Variants in CEP135 observed in about 807,000 individuals in gnomAD.
CEP135 encodes the protein centrosomal protein of 135 kDa.
In CEP135, 142 loss-of-function variants were observed where a neutral mutation model predicts 157.3. The ratio of observed to expected loss-of-function variants is 0.90; its 90% CI spans 0.79 to 1.04. The LOEUF is 1.04. CEP135 is among the 50% of genes least tolerant of loss of function. The probability of loss-of-function intolerance (pLI) is 0.00; values close to 1 mark genes in which losing one functional copy is unlikely to be tolerated. For missense variants in CEP135, 1,317 were observed against 1,309.2 expected, an observed-to-expected ratio of 1.01 and a Z score of -0.09; for synonymous variants, 396 against 439.8, an observed-to-expected ratio of 0.90 and a Z score of 1.25.
intron 9 of CEP135, among the ~76,000 whole-genome samples, chr4:55,970,571 T>C (rs1728999101): frequency 6.6e-6 from 1 of 152,226 alleles, no homozygotes; most frequent in East Asian, 1.9e-4. Context: ...TGTTCACTGC[T>C]AGTTGTATGT....
chr4:56,023,666 A>G (rs965988033), intron 24 of CEP135, among the ~76,000 whole-genome samples: 1 of 142,306 alleles, frequency 7.0e-6, no homozygotes, highest in Admixed American at 7.6e-5. Context: ...TATATAATAT[A>G]CTAATATAAT....
intron 9 of CEP135, among the ~76,000 whole-genome samples, chr4:55,970,597 T>A (rs750280443): frequency 2.6e-5 from 4 of 152,228 alleles, no homozygotes; most frequent in Non-Finnish European, 5.9e-5. Flanking sequence ...AAATGTTGGA[T>A]GTGATTCATA....
rs1255031822 is a variant in CEP135 at position 56,031,678 on chromosome 4, AATC to A, written c.*331_*333del. On this transcript the variant is annotated 3_prime_UTR_variant, in exon 26 of 26. Transcript: ENST00000257287. ...TAATGTATTCACATTATTCTTTAAT[AATC>A]TGTTTATTAATAAGCCATGATATGT... 6.6e-6 allele frequency: 1 copy of A among 152,150 alleles called. No homozygotes were observed. The highest frequency in any genetic ancestry group is 2.4e-5 in the African/African-American group (1 of 41,454). 9.4% of individuals were successfully genotyped at this position (152,150 alleles called of 1,614,324 possible).
chr4:55,972,803 A>C (rs1210868391), intron 10 of CEP135, among the ~76,000 whole-genome samples: 1 of 152,146 alleles, frequency 6.6e-6, no homozygotes, highest in Admixed American at 6.5e-5. Flanking sequence ...AGGCCGAGGC[A>C]GGCGGATCAC....
chr4:55,958,523 T>G (rs1008236185), intron 5 of CEP135, among the ~76,000 whole-genome samples: 1 of 152,238 alleles, frequency 6.6e-6, no homozygotes, highest in African/African-American at 2.4e-5. Flanking sequence ...GTTCTTATTA[T>G]CTAGGGCTTT....
At chr4:55,992,446 C>T (rs1729828516) in intron 15 of CEP135, among the ~76,000 whole-genome samples, 1 of 152,098 alleles carries the variant, frequency 6.6e-6, no homozygotes, top group Non-Finnish European at 1.5e-5. Context: ...TGTTTACTAC[C>T]TATGCCATTT....
At chr4:55,996,955 G>A (rs1484331256) in intron 15 of CEP135, among the ~76,000 whole-genome samples, 1 of 152,132 alleles carries the variant, frequency 6.6e-6, no homozygotes, top group Admixed American at 6.5e-5. Context: ...CAAAGAGATG[G>A]ACCTCTACCC....
chr4:56,011,630 T>C, intron 20 of CEP135, 108 bp downstream of exon 20: 1 of 964,588 alleles, frequency 1.0e-6, no homozygotes, highest in South Asian at 1.6e-5. Flanking sequence ...AGAGATCTTG[T>C]CTACTGCCTT....
Position 55,954,073 on chromosome 4 carries a change from A to G in CEP135, c.305-143A>G. ...GCAGTTTTGTTAATAATAGTAGAAG[A>G]AGGAATAAGTGTCAACTAAAGCATG... On this transcript the variant is annotated intron_variant, in intron 3 of 25. Coordinates refer to ENST00000257287, the MANE Select transcript of CEP135 (RefSeq NM_025009.5). 5 of 629,546 alleles carry G rather than the reference A, an allele frequency of 7.9e-6. No homozygotes were observed. In the South Asian group the frequency reaches 1.3e-4, roughly 17 times the overall value. The allele number at this position is 629,546 out of a possible 1,614,324, so 39.0% of individuals were successfully genotyped here.
At chr4:55,978,628 G>GTA (rs1729302132) in intron 11 of CEP135, among the ~76,000 whole-genome samples, 1 of 152,182 alleles carries the variant, frequency 6.6e-6, no homozygotes, top group African/African-American at 2.4e-5. Flanking sequence ...ATAGCTCACT[G>GTA]TAACCTTGAA....
At chr4:56,008,491 C>T (rs1373269953) in intron 18 of CEP135, 109 bp downstream of exon 18, 1 of 860,360 alleles carries the variant, frequency 1.2e-6, no homozygotes, top group Non-Finnish European at 1.8e-6. Flanking sequence ...TTCAATTTCC[C>T]CATTTTTGTC....
rs1327730245 is a variant in CEP135 at position 55,954,325 on chromosome 4, GA to G, written c.416del (p.Asn139MetfsTer15). ...TGTTGGAGAAAGAGAGCAAAGCTAAGAATGAAAGAATTCAACAACTTCAAGA... is the reference window on the plus strand; with the variant it reads ...TGTTGGAGAAAGAGAGCAAAGCTAAGATGAAAGAATTCAACAACTTCAAGA... ...KLLEKESKAK[N>X]ERIQQLQEKN... On this transcript the variant is annotated frameshift_variant, in exon 4 of 26. Transcript: ENST00000257287. LOFTEE classifies it high-confidence loss of function. 6.2e-7 allele frequency: 1 copy of G among 1,609,594 alleles called. No homozygotes were observed. The highest frequency in any genetic ancestry group is 1.3e-5 in the African/African-American group (1 of 74,828).
intron 14 of CEP135, among the ~76,000 whole-genome samples, chr4:55,987,107 G>A (rs1348921686): frequency 6.6e-6 from 1 of 152,196 alleles, no homozygotes; most frequent in East Asian, 1.9e-4. Context: ...TGGGATCAAA[G>A]TAGCCTTTAG....
intron 21 of CEP135, among the ~76,000 whole-genome samples, chr4:56,015,965 G>T (rs1051254983): frequency 6.6e-6 from 1 of 152,186 alleles, no homozygotes; most frequent in Admixed American, 6.5e-5. Context: ...CTGTCAACAT[G>T]ACCTTATTTG....
At chr4:56,002,943 T>G (rs964156027) in intron 17 of CEP135, among the ~76,000 whole-genome samples, 1 of 152,184 alleles carries the variant, frequency 6.6e-6, no homozygotes, top group Non-Finnish European at 1.5e-5. Context: ...TCTTCATGGT[T>G]CAAACTTGGT....
intron 10 of CEP135, 135 bp from the exon 11 acceptor site, chr4:55,974,611 G>T: frequency 2.3e-5 from 14 of 604,880 alleles, no homozygotes; most frequent in South Asian, 8.9e-5. Context: ...AATAGATTTG[G>T]TACCTACAGG....
At position 56,014,003 on chromosome 4, in the gene CEP135, G is replaced by C. The variant is rs565903631; in HGVS notation, c.2802+2018G>C. On this transcript the variant is annotated intron_variant, in intron 21 of 25. Coordinates refer to ENST00000257287, the MANE Select transcript of CEP135 (RefSeq NM_025009.5). ...GGCAAAGATTAGAGTGATATGTGTA[G>C]AAGTCAAGGAGTGTCAAGGACTGCC... is the stretch of plus-strand genomic sequence containing the variant. Among the ~76,000 whole-genome samples, 31 of 152,334 alleles carry C rather than the reference G, an allele frequency of 2.0e-4. 1 individual carries two copies. Among genetic ancestry groups the C allele is most frequent in the African/African-American group, 7.2e-4 (30 of 41,574 alleles).
At chr4:55,989,162 A>G (rs1215212267) in intron 14 of CEP135, among the ~76,000 whole-genome samples, 1 of 152,164 alleles carries the variant, frequency 6.6e-6, no homozygotes, top group Non-Finnish European at 1.5e-5. Context: ...ATCCTAACTC[A>G]AATATGCCAC....
chr4:56,016,129 T>C (rs1730766402), intron 21 of CEP135, among the ~76,000 whole-genome samples: 1 of 152,040 alleles, frequency 6.6e-6, no homozygotes, highest in Non-Finnish European at 1.5e-5. Context: ...GAGGCAGAGA[T>C]TGGAGTGATA....
Sources: allele counts gnomAD v4.1 joint callset (sites outside exome capture counted in the v4.1 genomes callset), GRCh38; gene constraint gnomAD v4.1.1; transcripts MANE v1.5; gene names NCBI Gene and HGNC (gene_info 2026-07-23, HGNC 2026-07-21).